The following COL9A1 variants were observed in gnomAD, a reference collection of about 807,000 sequenced individuals.
The protein encoded by COL9A1 is collagen type IX alpha 1 chain.
Under a neutral mutation model 142.6 loss-of-function variants are expected in COL9A1, and 104 were observed. The ratio of observed to expected loss-of-function variants is 0.73; its 90% confidence interval spans 0.62 to 0.86. The LOEUF is 0.86. Ranked by LOEUF, COL9A1 falls within the 40% of genes least tolerant of loss-of-function variation. COL9A1 has a pLI of 0.00. For missense variants in COL9A1, 1,210 were observed against 1,176.6 expected, an observed-to-expected ratio of 1.03 and a Z score of -0.42; for synonymous variants, 466 against 396.0, an observed-to-expected ratio of 1.18 and a Z score of -2.10.
At chr6:70,236,112 CAAAAAAAAA>C (rs368419095) in intron 33 of COL9A1, among the ~76,000 whole-genome samples, 1 of 49,012 alleles carries the variant, frequency 2.0e-5, no homozygotes, top group Non-Finnish European at 3.2e-5. Flanking sequence ...GACTCCATCT[CAAAAAAAAA>C]AAAAAAAAAA....
At chr6:70,266,421 A>C (rs1236973655) in intron 18 of COL9A1, among the ~76,000 whole-genome samples, 1 of 152,224 alleles carries the variant, frequency 6.6e-6, no homozygotes, top group African/African-American at 2.4e-5. Context: ...GGACTATCAT[A>C]GCATCAAGGA....
intron 13 of COL9A1, 135 bp from the exon 14 acceptor site, chr6:70,271,843 T>G: frequency 1.0e-6 from 1 of 996,968 alleles, no homozygotes; most frequent in Non-Finnish European, 1.5e-6. Flanking sequence ...ATAACTCATT[T>G]GACCAAACTT....
At chr6:70,243,321 A>G (rs529495383) in intron 28 of COL9A1, among the ~76,000 whole-genome samples, 2 of 152,346 alleles carry the variant, frequency 1.3e-5, no homozygotes, top group East Asian at 3.9e-4. Context: ...GACTTCAGAA[A>G]GTAGAACTTA....
intron 9 of COL9A1, 60 bp downstream of exon 9, chr6:70,280,944 G>A: frequency 6.2e-7 from 1 of 1,612,782 alleles, no homozygotes; most frequent in South Asian, 1.1e-5. Context: ...TCAGAAACAG[G>A]GGGCTGCAAA....
At chr6:70,220,399 TG>T (rs1768806209) in intron 37 of COL9A1, among the ~76,000 whole-genome samples, 1 of 150,880 alleles carries the variant, frequency 6.6e-6, no homozygotes, top group African/African-American at 2.5e-5. Flanking sequence ...GGTGTGTGTG[TG>T]TGTGTGTGTG....
chr6:70,274,998 A>G, intron 10 of COL9A1: 1 of 543,746 alleles, frequency 1.8e-6, no homozygotes, highest in Non-Finnish European at 3.3e-6. Flanking sequence ...CATACTCCTA[A>G]CTTCCTGCTA....
chr6:70,279,380 A>C (rs1001297583), intron 10 of COL9A1: 6 of 152,236 alleles, frequency 3.9e-5, no homozygotes. Flanking sequence ...TGCCTCCTGT[A>C]CTGCTAATTT....
At chr6:70,270,431 A>G in intron 14 of COL9A1, 64 bp from the exon 15 acceptor site, 2 of 1,480,788 alleles carry the variant, frequency 1.4e-6, no homozygotes, top group South Asian at 1.2e-5. Context: ...ACATAAAACC[A>G]GTGAGGCATA....
chr6:70,266,935 T>G lies in COL9A1; in HGVS notation c.1288-165A>C, dbSNP rs148246362. Among the ~76,000 whole-genome samples, 7 of 152,348 alleles carry G rather than the reference T, an allele frequency of 4.6e-5. No homozygotes were observed. In the East Asian group the frequency reaches 9.6e-4, roughly 21 times the overall value. ...TAAATGACCTTAACAGCACCATGAC[T>G]GCCATATATAATTAATATCAGTTTT... On this transcript the variant is annotated intron_variant, in intron 17 of 37. Coordinates refer to ENST00000357250, the MANE Select transcript of COL9A1 (RefSeq NM_001851.6).
chr6:70,230,704 G>T (rs893227537), intron 36 of COL9A1, among the ~76,000 whole-genome samples: 1 of 152,136 alleles, frequency 6.6e-6, no homozygotes, highest in Non-Finnish European at 1.5e-5. Flanking sequence ...GTTTCCAGTG[G>T]TTCTCAACCC....
intron 1 of COL9A1, 87 bp downstream of exon 1, chr6:70,302,824 T>C (rs928530563): frequency 1.9e-4 from 272 of 1,437,304 alleles, no homozygotes; most frequent in Non-Finnish European, 2.6e-4. Flanking sequence ...TACTCTCATC[T>C]TACCACTGCT....
intron 36 of COL9A1, among the ~76,000 whole-genome samples, chr6:70,230,808 G>C (rs9455009): frequency 0.043 from 6,564 of 152,316 alleles, 255 homozygotes; most frequent in East Asian, 0.11. Flanking sequence ...CCAGATATCA[G>C]TGGTTTTAAG....
At chr6:70,296,132 G>T (rs1012758200) in intron 4 of COL9A1, among the ~76,000 whole-genome samples, 2 of 151,866 alleles carry the variant, frequency 1.3e-5, no homozygotes, top group Non-Finnish European at 2.9e-5. Flanking sequence ...ATTTTTACAA[G>T]CCCTCAATAA....
chr6:70,283,272 G>C, intron 6 of COL9A1: 3 of 1,422,004 alleles, frequency 2.1e-6, no homozygotes, highest in Non-Finnish European at 2.8e-6. Context: ...TAGGGGGCAG[G>C]GGAGGACGGA....
Position 70,283,162 on chromosome 6 carries a change from C to T in COL9A1, c.781-244G>A, listed in dbSNP as rs912887875. 5 of 1,511,060 alleles carry T rather than the reference C, an allele frequency of 3.3e-6. No homozygotes were observed. In the African/African-American group the frequency reaches 4.2e-5, roughly 13 times the overall value. 93.6% of individuals were successfully genotyped at this position (1,511,060 alleles called of 1,614,324 possible). On this transcript the variant is annotated intron_variant, in intron 6 of 37. Transcript: ENST00000357250. ...GCACTTCGTCCCTGCAGAAAAAGCA[C>T]CCCCGGGAGTAGCGGTTGCCAAAGC...
intron 35 of COL9A1, among the ~76,000 whole-genome samples, chr6:70,233,334 T>C (rs537291063): frequency 1.0e-3 from 153 of 152,320 alleles, no homozygotes; most frequent in African/African-American, 3.6e-3. Flanking sequence ...AGAAGTTTTT[T>C]CCACGCTTGA....
At chr6:70,242,433 C>A (rs1264554988) in intron 29 of COL9A1, among the ~76,000 whole-genome samples, 1 of 152,192 alleles carries the variant, frequency 6.6e-6, no homozygotes, top group Admixed American at 6.5e-5. Context: ...TGCAGCACTT[C>A]ACATTTCACC....
intron 10 of COL9A1, 192 bp downstream of exon 10, chr6:70,280,620 C>G (rs1773086528): frequency 3.1e-6 from 4 of 1,296,302 alleles, no homozygotes; most frequent in Non-Finnish European, 3.1e-6. Context: ...GAGGTATCCT[C>G]ACCTTCACAA....
rs369035858 is a variant in COL9A1, at chr6:70,281,367, G to T, written c.876+23C>A. ...GAAAGGGCAGGACTGGGGAACAGAG[G>T]TGGCCTGGAGATAGAAACTTACGTC... On this transcript the variant is annotated intron_variant, in intron 8 of 37. Transcript: ENST00000357250. The T allele has an allele frequency of 4.2e-5, 67 of 1,610,674 alleles. No individual in the cohort carries two copies. In the African/African-American group the frequency reaches 7.9e-4, roughly 19 times the overall value.
Sources: gnomAD v4.1 joint callset for allele counts (sites outside exome capture counted in the v4.1 genomes callset) on GRCh38, gnomAD v4.1.1 for gene constraint, MANE v1.5 for transcripts, NCBI Gene and HGNC (gene_info 2026-07-23, HGNC 2026-07-21) for gene names.